The following SIGMAR1 variants were observed in gnomAD, a reference collection of about 807,000 sequenced individuals.
SIGMAR1 encodes SR31747 binding protein 1.
Under a neutral mutation model 25.4 loss-of-function variants are expected in SIGMAR1, and 18 were observed. The observed-to-expected ratio is 0.71, with a 90% CI of 0.49 to 1.05. The LOEUF (loss-of-function observed/expected upper bound fraction) is 1.05, where lower values mean the gene tolerates loss of function less well. SIGMAR1 is among the 50% of genes least tolerant of loss of function. SIGMAR1 has a pLI of 0.00. For missense variants in SIGMAR1, 249 were observed against 301.6 expected (o/e 0.83, Z 1.29); for synonymous variants, 125 against 131.6 (o/e 0.95, Z 0.34).
rs1400802327 is a variant in SIGMAR1, at chr9:34,635,550, G to A, written c.*82C>T. The A allele has an allele frequency of 4.4e-6, 7 of 1,588,230 alleles. No individual in the cohort carries two copies. The highest frequency in any genetic ancestry group is 6.0e-6 in the Non-Finnish European group (7 of 1,167,162). On this transcript the variant is annotated 3_prime_UTR_variant, in exon 4 of 4. Transcript: ENST00000277010. The surrounding 1 kb of genome is among the most constrained non-coding windows in gnomAD (Gnocchi z 4.5). ...ATCTGCATGGTGTATGTCCCTGTCT[G>A]TAAACATGGGCTCCAGCAAGTGGAT...
At position 34,635,409 on chromosome 9, in the gene SIGMAR1, A is replaced by G. The variant is rs980111162; in HGVS notation, c.*223T>C. On this transcript the variant is annotated 3_prime_UTR_variant, in exon 4 of 4. Transcript: ENST00000277010. This position sits in a 1 kb window ranked among gnomAD's most constrained non-coding sequence, Gnocchi z 4.5. Reference sequence around the variant, plus strand: ...TCCCTCTCCAGATGGGTGTGAGTGCATGGTCCTACTGTACACACAGGTCTC... The same window carrying G: ...TCCCTCTCCAGATGGGTGTGAGTGCGTGGTCCTACTGTACACACAGGTCTC... The G allele has an allele frequency of 4.6e-6, 3 of 654,670 alleles. No homozygotes were observed. The Admixed American group carries it at 7.7e-5, about 17-fold the overall frequency. 40.6% of individuals were successfully genotyped at this position (654,670 alleles called of 1,614,324 possible).
At position 34,637,047 on chromosome 9, in the gene SIGMAR1, G is replaced by T. The variant is rs1222092323; in HGVS notation, c.395C>A (p.Thr132Asn). The T allele has an allele frequency of 6.2e-7, 1 of 1,614,182 alleles. No individual in the cohort carries two copies. Among genetic ancestry groups the T allele is most frequent in the African/African-American group, 1.3e-5 (1 of 75,068 alleles). ...GGTGCCCTCTCTCCACTGGTGGAAGGTGCCAGAGATGATGGTATCCGAGAT... is the reference window on the plus strand; with the variant it reads ...GGTGCCCTCTCTCCACTGGTGGAAGTTGCCAGAGATGATGGTATCCGAGAT... ...AEISDTIISGTFHQWREGTTK... is the reference protein window; with the variant it reads ...AEISDTIISGNFHQWREGTTK... Residue 132 changes from threonine to asparagine, a missense_variant, in exon 3 of 4, where the codon ACC (threonine) becomes AAC (asparagine). Physicochemically the swap from Thr to Asn is moderately conservative, Grantham distance 65. Coordinates refer to ENST00000277010, the MANE Select transcript of SIGMAR1 (RefSeq NM_005866.4).
In SIGMAR1 at chr9:34,635,834, C is replaced by G. The variant is rs2132324643; in HGVS notation, c.470G>C (p.Gly157Ala). The change falls in exon 4 of 4, where the codon GGT becomes GCT. Residue 157 changes from glycine (G) to alanine (A), a missense_variant. Gly to Ala is a moderately conservative substitution (Grantham distance 60, BLOSUM62 0). Coordinates refer to ENST00000277010, the MANE Select transcript of SIGMAR1 (RefSeq NM_005866.4). The surrounding 1 kb of genome is among the most constrained non-coding windows in gnomAD (Gnocchi z 4.5). Reference sequence around the variant, plus strand: ...CCCCCACTCCACAGCTGTTGCCTCACCAGGCCCGTGTACTACCGTCTCCCC... The same window carrying G: ...CCCCCACTCCACAGCTGTTGCCTCAGCAGGCCCGTGTACTACCGTCTCCCC... Reference protein sequence around the residue: ...YPGETVVHGPGEATAVEWGPN... With the variant: ...YPGETVVHGPAEATAVEWGPN... 1 of 1,614,156 alleles carries G rather than the reference C, an allele frequency of 6.2e-7. No individual in the cohort carries two copies. Among genetic ancestry groups the G allele is most frequent in the Non-Finnish European group, 8.5e-7 (1 of 1,180,014 alleles).
Position 34,635,169 on chromosome 9 carries a change from A to C in SIGMAR1, c.*463T>G, listed in dbSNP as rs1306348675. On this transcript the variant is annotated 3_prime_UTR_variant, in exon 4 of 4. Coordinates refer to ENST00000277010, the MANE Select transcript of SIGMAR1 (RefSeq NM_005866.4). The surrounding 1 kb of genome is among the most constrained non-coding windows in gnomAD (Gnocchi z 4.5). ...AGCTGCAGGTGAAGGGGGCCTCCAA[A>C]AGGCAGCTCCTCTTCCCCCTCATCC... is the stretch of plus-strand genomic sequence containing the variant. 4.0e-6 allele frequency: 1 copy of C among 252,078 alleles called. No homozygotes were observed. Among genetic ancestry groups the C allele is most frequent in the Non-Finnish European group, 7.9e-6 (1 of 126,386 alleles). The allele number at this position is 252,078 out of a possible 1,614,324, so 15.6% of individuals were successfully genotyped here.
chr9:34,636,562 G>A (rs945732786), intron 3 of SIGMAR1, among the ~76,000 whole-genome samples: 10 of 152,310 alleles, frequency 6.6e-5, no homozygotes, highest in African/African-American at 2.4e-4. Context: ...GTGAACCCGG[G>A]AAGCGGAGCT....
chr9:34,635,131 G>A lies in SIGMAR1; in HGVS notation c.*501C>T. 4.1e-6 allele frequency: 1 copy of A among 241,680 alleles called. No homozygotes were observed. The highest frequency in any genetic ancestry group is 5.3e-5 in the South Asian group (1 of 18,768). The allele number at this position is 241,680 out of a possible 1,614,324, so 15.0% of individuals were successfully genotyped here. ...CATATGGTGAGGACAGGGGAGAAGG[G>A]GAAGGGCATCATAGCTGCAGGTGAA... On this transcript the variant is annotated 3_prime_UTR_variant, in exon 4 of 4. Transcript: ENST00000277010. This position sits in a 1 kb window ranked among gnomAD's most constrained non-coding sequence, Gnocchi z 4.5.
chr9:34,637,725 C>A lies in SIGMAR1; in HGVS notation c.-28G>T. On this transcript the variant is annotated 5_prime_UTR_variant, in exon 1 of 4. Transcript: ENST00000277010. ...CGGCGGGCGGCCTGGCACGGCGCAG[C>A]TCAGGAGGGAGCCGGGGCCTGAGGC... The A allele has an allele frequency of 6.9e-7, 1 of 1,458,746 alleles. No individual in the cohort carries two copies. The allele number at this position is 1,458,746 out of a possible 1,614,324, so 90.4% of individuals were successfully genotyped here. A position where few individuals can be genotyped will look rare whatever the true frequency, so the allele number is the denominator to read the frequency against.
rs1223163098 is a variant in SIGMAR1, at chr9:34,637,675, C to A, written c.23G>T (p.Arg8Leu). 6.5e-7 allele frequency: 1 copy of A among 1,532,656 alleles called. No homozygotes were observed. Among genetic ancestry groups the A allele is most frequent in the Non-Finnish European group, 8.7e-7 (1 of 1,144,732 alleles). The allele number at this position is 1,532,656 out of a possible 1,614,324, so 94.9% of individuals were successfully genotyped here. Residue 8 changes from arginine (R) to leucine (L), a missense_variant, in exon 1 of 4, where the codon CGG becomes CTG. Coordinates refer to ENST00000277010, the MANE Select transcript of SIGMAR1 (RefSeq NM_005866.4). MQWAVGR[R>L]WAWAALLLAV... ...CAGGAGCAGCGCGGCCCACGCCCACCGCCGGCCCACGGCCCACTGCATCCC... is the reference window on the plus strand; with the variant it reads ...CAGGAGCAGCGCGGCCCACGCCCACAGCCGGCCCACGGCCCACTGCATCCC...
chr9:34,637,734 G>C lies in SIGMAR1; in HGVS notation c.-37C>G, dbSNP rs908728673. ...GCCTGGCACGGCGCAGCTCAGGAGG[G>C]AGCCGGGGCCTGAGGCTTTGCGCTC... On this transcript the variant is annotated 5_prime_UTR_variant, in exon 1 of 4. Coordinates refer to ENST00000277010, the MANE Select transcript of SIGMAR1 (RefSeq NM_005866.4). 4.2e-6 allele frequency: 6 copies of C among 1,420,736 alleles called. No homozygotes were observed. Among genetic ancestry groups the C allele is most frequent in the Middle Eastern group, 2.4e-4 (1 of 4,102 alleles). 88.0% of individuals were successfully genotyped at this position (1,420,736 alleles called of 1,614,324 possible). A position where few individuals can be genotyped will look rare whatever the true frequency, so the allele number is the denominator to read the frequency against.
chr9:34,637,044 A>C lies in SIGMAR1; in HGVS notation c.398T>G (p.Phe133Cys), dbSNP rs750390948. The C allele has an allele frequency of 1.2e-6, 2 of 1,614,044 alleles. No individual in the cohort carries two copies. The highest frequency in any genetic ancestry group is 3.3e-5 in the Admixed American group (2 of 60,006). The change falls in exon 3 of 4, where the codon TTC (phenylalanine) becomes TGC (cysteine). Residue 133 changes from phenylalanine to cysteine, a missense_variant. Transcript: ENST00000277010. Reference sequence around the variant, plus strand: ...GGTGGTGCCCTCTCTCCACTGGTGGAAGGTGCCAGAGATGATGGTATCCGA... The same window carrying C: ...GGTGGTGCCCTCTCTCCACTGGTGGCAGGTGCCAGAGATGATGGTATCCGA... ...EISDTIISGTFHQWREGTTKS... is the reference protein window; with the variant it reads ...EISDTIISGTCHQWREGTTKS...
intron 3 of SIGMAR1, among the ~76,000 whole-genome samples, chr9:34,636,080 C>G (rs1292132807): frequency 6.6e-6 from 1 of 152,126 alleles, no homozygotes; most frequent in Non-Finnish European, 1.5e-5. Context: ...GGACGGCTAC[C>G]TCGCTTGGCC....
rs1365967267 is a variant in SIGMAR1 at position 34,637,395 on chromosome 9, A to G, written c.177T>C (p.Ser59=). 1 of 1,605,104 alleles carries G rather than the reference A, an allele frequency of 6.2e-7. No individual in the cohort carries two copies. Among genetic ancestry groups the G allele is most frequent in the East Asian group, 2.2e-5 (1 of 44,860 alleles). The part of the protein sequence containing the change: ...YAGLDHELAF[S]RLIVELRRLH... ...GCCGCCGCAGCTCCACGATCAGACG[A>G]GAGAAGGCCAGCTCGTGGTCCAGCC... is the stretch of plus-strand genomic sequence containing the variant. Residue 59 remains serine (S), a synonymous_variant, in exon 2 of 4, where the codon TCT becomes TCC. Transcript: ENST00000277010.
Position 34,635,499 on chromosome 9 carries a change from C to T in SIGMAR1, c.*133G>A, listed in dbSNP as rs1458672234. The T allele has an allele frequency of 3.0e-6, 4 of 1,328,316 alleles. No homozygotes were observed. In the African/African-American group the frequency reaches 5.8e-5, roughly 19 times the overall value. 82.3% of individuals were successfully genotyped at this position (1,328,316 alleles called of 1,614,324 possible). On this transcript the variant is annotated 3_prime_UTR_variant, in exon 4 of 4. Transcript: ENST00000277010. This position sits in a 1 kb window ranked among gnomAD's most constrained non-coding sequence, Gnocchi z 4.5. ...TGTTTGGATACATAAGCATGGATAT[C>T]CCTGCTCATACAGCAGGAACTCAGG...
Position 34,637,281 on chromosome 9 carries a change from G to A in SIGMAR1, c.291C>T (p.His97=), listed in dbSNP as rs780694018. 4.4e-6 allele frequency: 7 copies of A among 1,581,636 alleles called. No homozygotes were observed. In the African/African-American group the frequency reaches 5.4e-5, roughly 12 times the overall value. ...GCAGCACATACTCGGACAGCGAGGC[G>A]TGCAGAAGGCACATGGCGCCCATCC... The part of the protein sequence containing the change: ...GGWMGAMCLL[H]ASLSEYVLLF... Residue 97 remains histidine, a synonymous_variant, in exon 2 of 4, where the codon CAC becomes CAT. Transcript: ENST00000277010.
chr9:34,637,233 G>T lies in SIGMAR1; in HGVS notation c.339C>A (p.Ser113=), dbSNP rs754738945. 6.4e-7 allele frequency: 1 copy of T among 1,559,540 alleles called. No individual in the cohort carries two copies. The highest frequency in any genetic ancestry group is 2.4e-5 in the East Asian group (1 of 42,296). ...GCTAGCACTGACCCGAGTGGCCGCG[G>T]GAGCCCAAGGCGGTGCCGAAGAGCA... ...YVLLFGTALG[S]RGHSGRYWAE... Residue 113 remains serine, a synonymous_variant, in exon 2 of 4, where the codon TCC becomes TCA. Transcript: ENST00000277010.
chr9:34,637,080 C>T lies in SIGMAR1; in HGVS notation c.362G>A (p.Trp121Ter). ...GATGATGGTATCCGAGATCTCAGCC[C>T]AGTAGCGCCCTGAGTGACAATCGCA... ...LGSRGHSGRY[W>*]AEISDTIISG... The change falls in exon 3 of 4, where the codon TGG (tryptophan) becomes TAG (stop). Residue 121 changes from tryptophan to a stop codon, truncating the protein, a stop_gained. Transcript: ENST00000277010. LOFTEE classifies it high-confidence loss of function. 1 of 1,614,064 alleles carries T rather than the reference C, an allele frequency of 6.2e-7. No individual in the cohort carries two copies. The highest frequency in any genetic ancestry group is 8.5e-7 in the Non-Finnish European group (1 of 1,180,040).
rs11559050 is a variant in SIGMAR1 at position 34,637,091 on chromosome 9, T to C, written c.353-2A>G. On this transcript the variant is annotated splice_acceptor_variant, in intron 2 of 3. Transcript: ENST00000277010. LOFTEE classifies it high-confidence loss of function. ...CCGAGATCTCAGCCCAGTAGCGCCCTGAGTGACAATCGCACATGACACTAT... is the reference window on the plus strand; with the variant it reads ...CCGAGATCTCAGCCCAGTAGCGCCCCGAGTGACAATCGCACATGACACTAT... 6.2e-7 allele frequency: 1 copy of C among 1,613,932 alleles called. No individual in the cohort carries two copies. The highest frequency in any genetic ancestry group is 8.5e-7 in the Non-Finnish European group (1 of 1,180,020).
At position 34,637,592 on chromosome 9, in the gene SIGMAR1, C is replaced by G. The variant is rs2132330402; in HGVS notation, c.106G>C (p.Val36Leu). ...VWLWLGTQSF[V>L]FQREEIAQLA... ...TGCGCTATCTCTTCGCGCTGGAAGA[C>G]GAAGCTCTGCGTACCCAGCCAGAGC... is the stretch of plus-strand genomic sequence containing the variant. Residue 36 changes from valine (V) to leucine (L), a missense_variant, in exon 1 of 4, where the codon GTC becomes CTC. Transcript: ENST00000277010. 2 of 1,565,182 alleles carry G rather than the reference C, an allele frequency of 1.3e-6. No individual in the cohort carries two copies. Among genetic ancestry groups the G allele is most frequent in the Non-Finnish European group, 1.7e-6 (2 of 1,160,100 alleles).
chr9:34,637,422 T>A lies in SIGMAR1; in HGVS notation c.152-2A>T, dbSNP rs2132329744. On this transcript the variant is annotated splice_acceptor_variant, in intron 1 of 3. Coordinates refer to ENST00000277010, the MANE Select transcript of SIGMAR1 (RefSeq NM_005866.4). LOFTEE classifies it high-confidence loss of function. ...AGAAGGCCAGCTCGTGGTCCAGCCC[T>A]GGCGGAGGCAGAGGGGCGGCGGAGT... The A allele has an allele frequency of 6.2e-7, 1 of 1,602,042 alleles. No homozygotes were observed. Among genetic ancestry groups the A allele is most frequent in the Non-Finnish European group, 8.5e-7 (1 of 1,179,080 alleles).
Sources: gnomAD v4.1 joint callset for allele counts (sites outside exome capture counted in the v4.1 genomes callset) on GRCh38, gnomAD v4.1.1 for gene constraint, Gnocchi (gnomAD v3.1) non-coding constraint, MANE v1.5 for transcripts, NCBI Gene and HGNC (gene_info 2026-07-23, HGNC 2026-07-21) for gene names.